The following USP34 variants were observed in gnomAD, a reference collection of about 807,000 sequenced individuals.
The protein encoded by USP34 is ubiquitin specific peptidase 34.
Under a neutral mutation model 460.3 loss-of-function variants are expected in USP34, and 70 were observed. The ratio of observed to expected loss-of-function variants is 0.15; its 90% CI spans 0.13 to 0.19. The LOEUF (loss-of-function observed/expected upper bound fraction) is 0.19. Ranked by LOEUF, USP34 falls within the 10% of genes least tolerant of loss-of-function variation. The pLI is 1.00. For missense variants in USP34, 3,985 were observed against 4,236.2 expected, an observed-to-expected ratio of 0.94 and a Z score of 1.65; for synonymous variants, 1,647 against 1,405.3, an observed-to-expected ratio of 1.17 and a Z score of -3.85.
intron 75 of USP34, among the ~76,000 whole-genome samples, chr2:61,194,992 C>T (rs915728794): frequency 4.0e-5 from 6 of 150,398 alleles, no homozygotes; most frequent in Non-Finnish European, 8.8e-5. Context: ...GGTATGGTGA[C>T]TCACGCTGGT....
intron 8 of USP34, among the ~76,000 whole-genome samples, chr2:61,371,419 A>G (rs1313269125): frequency 6.0e-5 from 9 of 150,080 alleles, no homozygotes; most frequent in African/African-American, 2.2e-4. Context: ...GGGAGATGAC[A>G]GCTCCATGTG....
chr2:61,458,162 T>C (rs907040437), intron 1 of USP34, among the ~76,000 whole-genome samples: 1 of 152,098 alleles, frequency 6.6e-6, no homozygotes, highest in Non-Finnish European at 1.5e-5. Flanking sequence ...TAATTCTAAA[T>C]TGTGGTAAAT....
rs1027977954 is a variant in USP34, at chr2:61,289,288, G to A, written c.4549-411C>T. ...AGTATTATATGCTGTGTCTCCCAAC[G>A]AGTGGCACAAACTCTTAATACTTAC... On this transcript the variant is annotated intron_variant, in intron 33 of 79. Transcript: ENST00000398571. Among the ~76,000 whole-genome samples the A allele has an allele frequency of 2.0e-5, 3 of 152,116 alleles. No homozygotes were observed. In the East Asian group the frequency reaches 5.8e-4, roughly 29 times the overall value.
intron 18 of USP34, among the ~76,000 whole-genome samples, chr2:61,336,036 A>G (rs928258084): frequency 1.3e-5 from 2 of 152,220 alleles, no homozygotes; most frequent in Admixed American, 6.5e-5. Context: ...TATTCTACAA[A>G]ATAGTCATTT....
At chr2:61,455,115 G>A (rs1346883883) in intron 1 of USP34, among the ~76,000 whole-genome samples, 1 of 151,622 alleles carries the variant, frequency 6.6e-6, no homozygotes, top group East Asian at 1.9e-4. Flanking sequence ...CTCCTGACCT[G>A]TGGTGATATG....
chr2:61,401,011 A>G (rs1385432892), intron 3 of USP34, among the ~76,000 whole-genome samples: 1 of 151,604 alleles, frequency 6.6e-6, no homozygotes, highest in African/African-American at 2.4e-5. Flanking sequence ...TTAGCTGGGC[A>G]TTTTGGGTGC....
chr2:61,385,022 TTAA>T (rs1693092730), intron 5 of USP34, among the ~76,000 whole-genome samples: 1 of 152,104 alleles, frequency 6.6e-6, no homozygotes, highest in Non-Finnish European at 1.5e-5. Flanking sequence ...TGCTGCTAGG[TTAA>T]TATAAACAAA....
At chr2:61,389,222 T>A (rs1297267698) in intron 5 of USP34, among the ~76,000 whole-genome samples, 1 of 151,878 alleles carries the variant, frequency 6.6e-6, no homozygotes, top group African/African-American at 2.4e-5. Flanking sequence ...ACTCATAAGG[T>A]AGGCTTCTGG....
chr2:61,364,793 T>G (rs1692380643), intron 10 of USP34, among the ~76,000 whole-genome samples: 1 of 151,718 alleles, frequency 6.6e-6, no homozygotes, highest in Non-Finnish European at 1.5e-5. Context: ...GACAATGTGG[T>G]GGTGCGCACG....
chr2:61,390,798 GA>G (rs888921477), intron 5 of USP34, among the ~76,000 whole-genome samples: 1 of 148,452 alleles, frequency 6.7e-6, no homozygotes, highest in East Asian at 2.0e-4. Flanking sequence ...TTCAGGTTCT[GA>G]AAAAAAAAAC....
chr2:61,385,395 A>T (rs1206580149), intron 5 of USP34, among the ~76,000 whole-genome samples: 1 of 152,114 alleles, frequency 6.6e-6, no homozygotes, highest in Non-Finnish European at 1.5e-5. Flanking sequence ...GAAATACGAC[A>T]AGGAGGCCAG....
chr2:61,370,633 T>C, intron 8 of USP34, 54 bp from the exon 9 acceptor site: 4 of 1,537,304 alleles, frequency 2.6e-6, no homozygotes, highest in South Asian at 1.2e-5. Context: ...TCTTTTCTCA[T>C]GTCTAAAAGG....
At chr2:61,266,987 G>C (rs1689068217) in intron 41 of USP34, among the ~76,000 whole-genome samples, 1 of 152,164 alleles carries the variant, frequency 6.6e-6, no homozygotes, top group African/African-American at 2.4e-5. Flanking sequence ...GAGTTATCCA[G>C]TCACTATGTG....
intron 20 of USP34, among the ~76,000 whole-genome samples, chr2:61,328,158 C>T (rs1411338946): frequency 2.6e-5 from 4 of 151,788 alleles, no homozygotes; most frequent in Non-Finnish European, 5.9e-5. Flanking sequence ...GAAAACGAGC[C>T]GGGTGCAGTG....
At chr2:61,231,536 A>T (rs1265838356) in intron 58 of USP34, among the ~76,000 whole-genome samples, 3 of 151,978 alleles carry the variant, frequency 2.0e-5, no homozygotes, top group African/African-American at 7.3e-5. Context: ...AACAGGGGAG[A>T]GACACTCTCT....
At position 61,203,886 on chromosome 2, in the gene USP34, ATAATT is replaced by A. The variant is rs1168655494; in HGVS notation, c.9384+365_9384+369del. On this transcript the variant is annotated intron_variant, in intron 74 of 79. Coordinates refer to ENST00000398571, the MANE Select transcript of USP34 (RefSeq NM_014709.4). ...AATATTATGCTTAGGTCAAAGGAAT[ATAATT>A]TAAGGGAAGTAGAAGAAGTCATTGA... is the stretch of plus-strand genomic sequence containing the variant. 2.6e-5 allele frequency among the ~76,000 whole-genome samples: 4 copies of A among 152,080 alleles called. No homozygotes were observed. In the East Asian group the frequency reaches 7.7e-4, roughly 29 times the overall value.
rs867593005 is a variant in USP34, at chr2:61,395,780, C to T, written c.553-547G>A. 2.5e-4 allele frequency among the ~76,000 whole-genome samples: 26 copies of T among 102,192 alleles called. 1 individual carries two copies. The highest frequency in any genetic ancestry group is 3.9e-4 in the African/African-American group (9 of 23,054). 67.0% of individuals were successfully genotyped at this position (102,192 alleles called of 152,430 possible). ...CCGCCTGGGCGACAGAACGAGACTC[C>T]GTCTCAAAAAAAAAAAAAAAAAAAA... On this transcript the variant is annotated intron_variant, in intron 3 of 79. Coordinates refer to ENST00000398571, the MANE Select transcript of USP34 (RefSeq NM_014709.4).
intron 43 of USP34, 155 bp downstream of exon 43, chr2:61,265,242 C>T: frequency 2.5e-6 from 2 of 785,016 alleles, no homozygotes; most frequent in Middle Eastern, 3.8e-4. Context: ...AAATGTATAA[C>T]TATGTAAAAT....
intron 2 of USP34, among the ~76,000 whole-genome samples, chr2:61,420,376 A>C (rs1407536967): frequency 6.6e-6 from 1 of 152,170 alleles, no homozygotes; most frequent in African/African-American, 2.4e-5. Flanking sequence ...AACGGAACAG[A>C]TATTAAGTGG....
Sources: allele counts gnomAD v4.1 joint callset (sites outside exome capture counted in the v4.1 genomes callset), GRCh38; gene constraint gnomAD v4.1.1; transcripts MANE v1.5; gene names NCBI Gene and HGNC (gene_info 2026-07-23, HGNC 2026-07-21).